RBPMS2: variants seen among roughly 807,000 people sequenced by gnomAD.
The protein encoded by RBPMS2 is RNA-binding protein with multiple splicing 2.
In RBPMS2, 14 loss-of-function variants were observed where a neutral mutation model predicts 25.7. That is an observed-to-expected ratio of 0.55 (90% CI 0.36 to 0.85). The LOEUF (loss-of-function observed/expected upper bound fraction) is 0.85, where lower values mean the gene tolerates loss of function less well. RBPMS2 is among the 40% of genes least tolerant of loss of function. The pLI is 0.01. For missense variants in RBPMS2, 252 were observed against 283.4 expected, an observed-to-expected ratio of 0.89 and a Z score of 0.80; for synonymous variants, 127 against 115.6, an observed-to-expected ratio of 1.10 and a Z score of -0.63.
intron 1 of RBPMS2, among the ~76,000 whole-genome samples, chr15:64,770,106 G>A (rs530879797): frequency 3.3e-5 from 5 of 152,222 alleles, no homozygotes; most frequent in African/African-American, 1.2e-4. Context: ...TTGAACCTGG[G>A]AGGCAGAGGT....
In RBPMS2 at chr15:64,740,184, G is replaced by A. The variant is rs1488571496; in HGVS notation, c.*824C>T. 2 of 152,394 alleles carry A rather than the reference G, an allele frequency of 1.3e-5. No homozygotes were observed. Among genetic ancestry groups the A allele is most frequent in the East Asian group, 3.8e-4 (2 of 5,198 alleles). The allele number at this position is 152,394 out of a possible 1,614,324, so 9.4% of individuals were successfully genotyped here. ...TAAACTTATCTGACAGGGCGAACGA[G>A]GTCGCTTTAATAATTAATGGTACGC... On this transcript the variant is annotated 3_prime_UTR_variant, in exon 8 of 8. Transcript: ENST00000300069.
chr15:64,772,875 GA>G (rs1464662009), intron 1 of RBPMS2, among the ~76,000 whole-genome samples: 4 of 152,144 alleles, frequency 2.6e-5, no homozygotes, highest in Non-Finnish European at 5.9e-5. Flanking sequence ...CCTGGGTCCA[GA>G]AAGAAAACTT....
intron 5 of RBPMS2, 99 bp downstream of exon 5, chr15:64,748,901 C>CA: frequency 7.1e-7 from 1 of 1,416,700 alleles, no homozygotes; most frequent in African/African-American, 1.4e-5. Flanking sequence ...GCCGTGGACA[C>CA]AAAAAGCCTC....
intron 1 of RBPMS2, among the ~76,000 whole-genome samples, chr15:64,765,511 C>T (rs940470211): frequency 2.0e-5 from 3 of 149,352 alleles, no homozygotes; most frequent in Non-Finnish European, 1.5e-5. Flanking sequence ...CCCAGGAGCT[C>T]GAAGCTACAG....
rs1450172948 is a variant in RBPMS2 at position 64,748,565 on chromosome 15, C to A, written c.421G>T (p.Asp141Tyr). The change falls in exon 6 of 8, where the codon GAC becomes TAC. Residue 141 changes from aspartate (D) to tyrosine (Y), a missense_variant and splice_region_variant. Physicochemically the swap from Asp to Tyr is radical, Grantham distance 160. Transcript: ENST00000300069. Reference sequence around the variant, plus strand: ...GGGATCAGAGCAGCCCCCATCAGGTCATCTACAACAGGAGACAATGGCCTC... The same window carrying A: ...GGGATCAGAGCAGCCCCCATCAGGTAATCTACAACAGGAGACAATGGCCTC... ...GAHFIARDPY[D>Y]LMGAALIPAS... 6.5e-7 allele frequency: 1 copy of A among 1,543,002 alleles called. No homozygotes were observed. Among genetic ancestry groups the A allele is most frequent in the Non-Finnish European group, 8.7e-7 (1 of 1,147,146 alleles).
chr15:64,757,814 C>CA (rs1032870441), intron 1 of RBPMS2, among the ~76,000 whole-genome samples: 11 of 151,356 alleles, frequency 7.3e-5, no homozygotes, highest in Non-Finnish European at 1.6e-4. Context: ...GCCCTATCCC[C>CA]CCCCACAAAA....
At chr15:64,749,269 C>T in intron 4 of RBPMS2, 119 bp from the exon 5 acceptor site, 1 of 1,385,198 alleles carries the variant, frequency 7.2e-7, no homozygotes, top group Admixed American at 1.8e-5. Context: ...CACACGGTGG[C>T]TGAGGCAGAG....
chr15:64,743,042 C>T (rs2083577836), intron 6 of RBPMS2, among the ~76,000 whole-genome samples: 1 of 152,258 alleles, frequency 6.6e-6, no homozygotes, highest in Non-Finnish European at 1.5e-5. Flanking sequence ...ACGAGCAATG[C>T]TGCTATCAGA....
rs1401302873 is a variant in RBPMS2 at position 64,740,686 on chromosome 15, G to C, written c.*322C>G. On this transcript the variant is annotated 3_prime_UTR_variant, in exon 8 of 8. Coordinates refer to ENST00000300069, the MANE Select transcript of RBPMS2 (RefSeq NM_194272.3). Reference sequence around the variant, plus strand: ...AATTAAACACCTCACTTCCTCGAGGGGGAGCTACAGAAGCAAGTTTGGGCG... The same window carrying C: ...AATTAAACACCTCACTTCCTCGAGGCGGAGCTACAGAAGCAAGTTTGGGCG... 6.3e-6 allele frequency: 1 copy of C among 158,384 alleles called. No homozygotes were observed. Among genetic ancestry groups the C allele is most frequent in the Non-Finnish European group, 1.4e-5 (1 of 71,270 alleles). 9.8% of individuals were successfully genotyped at this position (158,384 alleles called of 1,614,324 possible). A position where few individuals can be genotyped will look rare whatever the true frequency, so the allele number is the denominator to read the frequency against.
At chr15:64,763,332 T>C (rs1280991054) in intron 1 of RBPMS2, among the ~76,000 whole-genome samples, 1 of 152,176 alleles carries the variant, frequency 6.6e-6, no homozygotes, top group African/African-American at 2.4e-5. Context: ...TTTCCCATGC[T>C]TCCTGCAAGG....
chr15:64,762,919 G>A (rs2083803853), intron 1 of RBPMS2, among the ~76,000 whole-genome samples: 4 of 152,152 alleles, frequency 2.6e-5, no homozygotes, highest in Middle Eastern at 3.2e-3. Context: ...GGAAGTCAGG[G>A]GCCAGCCAGC....
intron 6 of RBPMS2, among the ~76,000 whole-genome samples, chr15:64,746,606 A>T (rs1245796643): frequency 6.6e-6 from 1 of 152,216 alleles, no homozygotes; most frequent in Non-Finnish European, 1.5e-5. Flanking sequence ...ACTGGGAAGG[A>T]AGCCAACAGG....
intron 1 of RBPMS2, among the ~76,000 whole-genome samples, chr15:64,760,270 G>A (rs994885610): frequency 5.9e-5 from 9 of 152,212 alleles, no homozygotes; most frequent in South Asian, 2.1e-4. Flanking sequence ...CCCACACTTG[G>A]TCAGAAGTGG....
At chr15:64,774,350 C>T (rs1484942771) in intron 1 of RBPMS2, among the ~76,000 whole-genome samples, 1 of 152,184 alleles carries the variant, frequency 6.6e-6, no homozygotes, top group African/African-American at 2.4e-5. Context: ...TTCTTGTCTC[C>T]GCCAGCCTAG....
At chr15:64,748,107 C>T (rs886592804) in intron 6 of RBPMS2, among the ~76,000 whole-genome samples, 1 of 152,088 alleles carries the variant, frequency 6.6e-6, no homozygotes, top group South Asian at 2.1e-4. Flanking sequence ...CAGGTTAGGA[C>T]TGGAATCATA....
intron 1 of RBPMS2, among the ~76,000 whole-genome samples, chr15:64,755,588 G>T (rs2083725107): frequency 6.6e-6 from 1 of 152,190 alleles, no homozygotes; most frequent in Non-Finnish European, 1.5e-5. Context: ...TCTGCTGTTT[G>T]TGAGGGCAGG....
At chr15:64,759,810 C>T (rs2083766407) in intron 1 of RBPMS2, among the ~76,000 whole-genome samples, 1 of 152,152 alleles carries the variant, frequency 6.6e-6, no homozygotes, top group Non-Finnish European at 1.5e-5. Flanking sequence ...GTAGCTATGA[C>T]TACAGGAGCG....
At chr15:64,746,790 T>C (rs1954112063) in intron 6 of RBPMS2, among the ~76,000 whole-genome samples, 1 of 152,214 alleles carries the variant, frequency 6.6e-6, no homozygotes, top group African/African-American at 2.4e-5. Flanking sequence ...CCTTATCTGG[T>C]CTATCCCTCT....
intron 1 of RBPMS2, among the ~76,000 whole-genome samples, chr15:64,760,014 G>T (rs765152605): frequency 2.4e-4 from 36 of 152,312 alleles, no homozygotes; most frequent in Non-Finnish European, 3.8e-4. Flanking sequence ...CGTCTCTCTT[G>T]GCCCTGGACA....
Sources: allele counts gnomAD v4.1 joint callset (sites outside exome capture counted in the v4.1 genomes callset), GRCh38; gene constraint gnomAD v4.1.1; transcripts MANE v1.5; gene names NCBI Gene and HGNC (gene_info 2026-07-23, HGNC 2026-07-21).